MICU3: variants seen among roughly 807,000 people sequenced by gnomAD.
The protein encoded by MICU3 is mitochondrial calcium uptake 3, also known as calcium uptake protein 3, mitochondrial.
A neutral mutation model predicts 66.5 loss-of-function variants in MICU3; 62 were observed. The ratio of observed to expected loss-of-function variants is 0.93; its 90% CI spans 0.76 to 1.15. MICU3 has a LOEUF of 1.15. MICU3 is among the 50% of genes most tolerant of loss of function. The pLI, the probability that MICU3 is intolerant of heterozygous loss-of-function variation, is 0.00. For synonymous variants in MICU3, 308 were observed against 240.7 expected, an observed-to-expected ratio of 1.28 and a Z score of -2.59; for missense variants, 779 against 664.4, an observed-to-expected ratio of 1.17 and a Z score of -1.90.
At chr8:17,082,599 C>T (rs912627613) in intron 5 of MICU3, among the ~76,000 whole-genome samples, 11 of 152,092 alleles carry the variant, frequency 7.2e-5, no homozygotes, top group African/African-American at 1.2e-4. Flanking sequence ...AGAACAGTGT[C>T]TCGCACATGG....
At chr8:17,089,842 T>TA (rs1799861646) in intron 7 of MICU3, among the ~76,000 whole-genome samples, 1 of 152,106 alleles carries the variant, frequency 6.6e-6, no homozygotes, top group South Asian at 2.1e-4. Flanking sequence ...CTTTAGTTAG[T>TA]AGAACCATGT....
At chr8:17,049,009 T>G (rs953352953) in intron 1 of MICU3, among the ~76,000 whole-genome samples, 2 of 152,078 alleles carry the variant, frequency 1.3e-5, no homozygotes, top group Non-Finnish European at 2.9e-5. Context: ...CAGTACACAG[T>G]TCTGTATTTC....
chr8:17,128,522 A>C, the MICU3 span, among the ~76,000 whole-genome samples: 422 of 152,340 alleles, frequency 2.8e-3, 4 homozygotes, highest in African/African-American at 9.7e-3. Context: ...GATTAAACAG[A>C]TACACTTATG....
At chr8:17,083,314 C>A (rs565129478) in intron 5 of MICU3, among the ~76,000 whole-genome samples, 1 of 151,982 alleles carries the variant, frequency 6.6e-6, no homozygotes, top group African/African-American at 2.4e-5. Context: ...GTGATGTTAT[C>A]CCCAGGAGCA....
At chr8:17,077,144 C>G (rs189697541) in intron 3 of MICU3, among the ~76,000 whole-genome samples, 1 of 152,124 alleles carries the variant, frequency 6.6e-6, no homozygotes, top group Non-Finnish European at 1.5e-5. Context: ...AAAGAAAAAG[C>G]TAAGCAGCAG....
chr8:17,036,983 G>A (rs546808627), intron 1 of MICU3, among the ~76,000 whole-genome samples: 308 of 152,348 alleles, frequency 2.0e-3, no homozygotes, highest in African/African-American at 4.9e-3. Context: ...GCTAAGGCTC[G>A]GCGAGAAATC....
the MICU3 span, among the ~76,000 whole-genome samples, chr8:17,135,957 T>G: frequency 1.3e-5 from 2 of 152,150 alleles, no homozygotes; most frequent in Non-Finnish European, 2.9e-5. Context: ...CTTTTCATTT[T>G]CTGATCTTGG....
chr8:17,041,761 A>T (rs1473852596), intron 1 of MICU3, among the ~76,000 whole-genome samples: 4 of 152,326 alleles, frequency 2.6e-5, no homozygotes, highest in African/African-American at 9.6e-5. Flanking sequence ...AATAGGAGGG[A>T]TGCTGTTTCC....
intron 13 of MICU3, 139 bp from the exon 14 acceptor site, chr8:17,118,568 C>T (rs1212112739): frequency 4.1e-6 from 2 of 487,706 alleles, no homozygotes; most frequent in Non-Finnish European, 7.3e-6. Flanking sequence ...CTCCCCAGTC[C>T]CCCAGCCTTC....
At chr8:17,037,042 C>T (rs1813145165) in intron 1 of MICU3, among the ~76,000 whole-genome samples, 1 of 152,252 alleles carries the variant, frequency 6.6e-6, no homozygotes, top group African/African-American at 2.4e-5. Context: ...AGTACACCTT[C>T]CGCAGCCACT....
intron 3 of MICU3, among the ~76,000 whole-genome samples, chr8:17,076,010 A>T (rs1438836070): frequency 6.6e-6 from 1 of 152,118 alleles, no homozygotes; most frequent in Non-Finnish European, 1.5e-5. Flanking sequence ...AAATTTATTC[A>T]GAATGTTGTT....
intron 4 of MICU3, among the ~76,000 whole-genome samples, chr8:17,078,785 AC>A (rs1820756007): frequency 6.6e-6 from 1 of 152,094 alleles, no homozygotes; most frequent in Non-Finnish European, 1.5e-5. Flanking sequence ...AGGAAGAGAC[AC>A]CATATCTTTT....
In MICU3 at chr8:17,105,548, T is replaced by C. The variant is rs1452773951; in HGVS notation, c.1221T>C (p.Phe407=). The change falls in exon 11 of 15, where the codon TTT becomes TTC. Residue 407 remains phenylalanine (F), a synonymous_variant. Transcript: ENST00000318063. ...CAAATGTGGAAAATACATCAGTATT[T>C]TTAGAAAATGTGCGTTACAGTATAC... ...RYTNVENTSV[F]LENVRYSIPE... is the part of the protein sequence containing the mutation. The C allele has an allele frequency of 6.4e-7, 1 of 1,566,878 alleles. No homozygotes were observed. The highest frequency in any genetic ancestry group is 2.3e-5 in the East Asian group (1 of 43,734).
At chr8:17,133,021 C>T in the MICU3 span, 1 of 152,208 alleles carries the variant, frequency 6.6e-6, no homozygotes, top group Admixed American at 6.5e-5. Context: ...AGCAAGCCCT[C>T]GCCAGGCACT....
intron 4 of MICU3, 55 bp downstream of exon 4, chr8:17,077,916 A>G (rs1318061313): frequency 6.9e-6 from 7 of 1,020,380 alleles, no homozygotes; most frequent in South Asian, 1.7e-5. Flanking sequence ...TATACTATTT[A>G]TATATGCATA....
chr8:17,044,733 A>G (rs1451566205), intron 1 of MICU3, among the ~76,000 whole-genome samples: 1 of 152,182 alleles, frequency 6.6e-6, no homozygotes, highest in African/African-American at 2.4e-5. Flanking sequence ...TGGCCTCTAC[A>G]GCAGCTTCAG....
chr8:17,065,366 G>C (rs1818519054), intron 2 of MICU3, among the ~76,000 whole-genome samples: 1 of 152,118 alleles, frequency 6.6e-6, no homozygotes, highest in Non-Finnish European at 1.5e-5. Flanking sequence ...TGGATATCAA[G>C]GAAGAGATTC....
chr8:17,109,211 C>G (rs545722733), intron 11 of MICU3, among the ~76,000 whole-genome samples: 1 of 151,928 alleles, frequency 6.6e-6, no homozygotes, highest in East Asian at 1.9e-4. Context: ...TGCTTATTTC[C>G]TAACAAATAT....
Position 17,104,469 on chromosome 8 carries a change from C to A in MICU3, c.1063C>A (p.Leu355Ile). Reference sequence around the variant, plus strand: ...TTTTGGAAAGAAAGGAAAAGCTGAGCTCAACTTTGAAGATTTTTATAGGTG... The same window carrying A: ...TTTTGGAAAGAAAGGAAAAGCTGAGATCAACTTTGAAGATTTTTATAGGTG... ...HFFGKKGKAE[L>I]NFEDFYRFMD... The change falls in exon 10 of 15, where the codon CTC becomes ATC. Residue 355 changes from leucine (L) to isoleucine (I), a missense_variant. Leu to Ile is a conservative substitution (Grantham distance 5). Coordinates refer to ENST00000318063, the MANE Select transcript of MICU3 (RefSeq NM_181723.3). 6.9e-7 allele frequency: 1 copy of A among 1,455,388 alleles called. No individual in the cohort carries two copies. Among genetic ancestry groups the A allele is most frequent in the Non-Finnish European group, 9.2e-7 (1 of 1,082,368 alleles). 90.2% of individuals were successfully genotyped at this position (1,455,388 alleles called of 1,614,324 possible). A position where few individuals can be genotyped will look rare whatever the true frequency, so the allele number is the denominator to read the frequency against.
Sources: gnomAD v4.1 joint callset for allele counts (sites outside exome capture counted in the v4.1 genomes callset) on GRCh38, gnomAD v4.1.1 for gene constraint, MANE v1.5 for transcripts, NCBI Gene and HGNC (gene_info 2026-07-23, HGNC 2026-07-21) for gene names.